ZWILCH: variants seen among roughly 807,000 people sequenced by gnomAD.
ZWILCH encodes the protein zwilch kinetochore protein, also known as protein zwilch homolog.
In ZWILCH, 74 loss-of-function variants were observed where a neutral mutation model predicts 79.9. The ratio of observed to expected loss-of-function variants is 0.93; its 90% CI spans 0.77 to 1.12. The LOEUF is 1.12. Among genes scored for constraint, ZWILCH ranks in the 50% most tolerant of loss-of-function variants. The probability of loss-of-function intolerance (pLI) is 0.00; values close to 1 mark genes in which losing one functional copy is unlikely to be tolerated. For synonymous variants in ZWILCH, 241 were observed against 228.2 expected, an observed-to-expected ratio of 1.06 and a Z score of -0.51; for missense variants, 694 against 687.5, an observed-to-expected ratio of 1.01 and a Z score of -0.11.
chr15:66,505,463 C>A, intron 1 of ZWILCH, 72 bp downstream of exon 1: 2 of 1,571,960 alleles, frequency 1.3e-6, no homozygotes, highest in Non-Finnish European at 1.7e-6. Context: ...GGATCCCCGC[C>A]CTAAGCCTCT....
Position 66,521,147 on chromosome 15 carries a change from C to T in ZWILCH, c.689C>T (p.Ser230Phe), listed in dbSNP as rs768109565. 6.2e-7 allele frequency: 1 copy of T among 1,613,858 alleles called. No homozygotes were observed. The highest frequency in any genetic ancestry group is 8.5e-7 in the Non-Finnish European group (1 of 1,180,048). The stretch of plus-strand genomic sequence containing the variant: ...CAAACTGCGATCGCTTTGGATATTT[C>T]CTGGAGTCCTGTGGATGAGATTCTT... Reference protein sequence around the residue: ...ASQTAIALDISWSPVDEILQI... With the variant: ...ASQTAIALDIFWSPVDEILQI... Residue 230 changes from serine (S) to phenylalanine (F), a missense_variant, in exon 7 of 19, where the codon TCC becomes TTC. Transcript: ENST00000307897.
At chr15:66,508,239 A>G (rs1281048120) in intron 1 of ZWILCH, among the ~76,000 whole-genome samples, 1 of 152,208 alleles carries the variant, frequency 6.6e-6, no homozygotes. Context: ...TAGATTCACT[A>G]TTTTAAAACT....
At chr15:66,545,974 A>G (rs1212034905) in intron 17 of ZWILCH, among the ~76,000 whole-genome samples, 2 of 152,208 alleles carry the variant, frequency 1.3e-5, no homozygotes, top group African/African-American at 4.8e-5. Flanking sequence ...TAAGAGAGAA[A>G]TGTGTACTTT....
At chr15:66,509,201 A>G (rs575733134) in intron 2 of ZWILCH, among the ~76,000 whole-genome samples, 47 of 152,142 alleles carry the variant, frequency 3.1e-4, no homozygotes, top group African/African-American at 1.1e-3. Flanking sequence ...CGGCCTCCCA[A>G]AGTGCTGGGA....
chr15:66,523,963 C>CT (rs1167644590), intron 8 of ZWILCH, among the ~76,000 whole-genome samples: 2 of 152,146 alleles, frequency 1.3e-5, no homozygotes, highest in Non-Finnish European at 2.9e-5. Context: ...AGATTTCTCT[C>CT]ACCCTTTGTG....
Position 66,527,315 on chromosome 15 carries a change from G to A in ZWILCH, c.845G>A (p.Gly282Asp), listed in dbSNP as rs1467678616. The A allele has an allele frequency of 7.4e-6, 12 of 1,613,964 alleles. No individual in the cohort carries two copies. Among genetic ancestry groups the A allele is most frequent in the Non-Finnish European group, 1.0e-5 (12 of 1,180,002 alleles). Residue 282 changes from glycine to aspartate, a missense_variant, in exon 9 of 19, where the codon GGT becomes GAT. Coordinates refer to ENST00000307897, the MANE Select transcript of ZWILCH (RefSeq NM_017975.5). ...LLVLADGLRT[G>D]VTEWLEPLEA... ...GTTTTGGCTGATGGTTTGAGGACTG[G>A]TGTCACTGAATGGCTCGAGCCCCTG...
At chr15:66,542,394 G>GCTA (rs542830847) in intron 17 of ZWILCH, among the ~76,000 whole-genome samples, 43 of 152,240 alleles carry the variant, frequency 2.8e-4, no homozygotes, top group African/African-American at 9.4e-4. Flanking sequence ...GACCATCCTG[G>GCTA]CTAACACAGT....
At chr15:66,542,517 G>A (rs866707351) in intron 17 of ZWILCH, among the ~76,000 whole-genome samples, 2 of 152,126 alleles carry the variant, frequency 1.3e-5, no homozygotes, top group Non-Finnish European at 2.9e-5. Flanking sequence ...CCTGGGAGGC[G>A]GAGGTTGCTG....
At chr15:66,513,119 T>G (rs1403070368) in intron 2 of ZWILCH, among the ~76,000 whole-genome samples, 5 of 152,076 alleles carry the variant, frequency 3.3e-5, no homozygotes, top group Admixed American at 6.6e-5. Context: ...TTAGTAGAGA[T>G]AGAGTTTCCC....
At chr15:66,536,241 A>T (rs1018633052) in intron 15 of ZWILCH, among the ~76,000 whole-genome samples, 172 bp downstream of exon 15, 1 of 152,224 alleles carries the variant, frequency 6.6e-6, no homozygotes, top group African/African-American at 2.4e-5. Flanking sequence ...CTTTGGATTC[A>T]AAAGGAATCA....
In ZWILCH at chr15:66,546,650, G is replaced by A. The variant is rs771886892; in HGVS notation, c.1747G>A (p.Val583Ile). Residue 583 changes from valine (V) to isoleucine (I), a missense_variant, in exon 18 of 19, where the codon GTT becomes ATT. Coordinates refer to ENST00000307897, the MANE Select transcript of ZWILCH (RefSeq NM_017975.5). ...LEERIFFTNM[V>I]TCSQVHFK ...AGAAAGGATATTCTTTACTAACATG[G>A]TTACCTGCAGCCAGGTGCATTTCAA... The A allele has an allele frequency of 1.9e-6, 3 of 1,608,256 alleles. No individual in the cohort carries two copies. Among genetic ancestry groups the A allele is most frequent in the Admixed American group, 3.4e-5 (2 of 58,758 alleles).
intron 17 of ZWILCH, among the ~76,000 whole-genome samples, chr15:66,540,989 A>G (rs1269892618): frequency 6.6e-6 from 1 of 151,742 alleles, no homozygotes; most frequent in Non-Finnish European, 1.5e-5. Context: ...TCTTTAAAAA[A>G]GAAAACTGCT....
At chr15:66,535,255 C>T (rs1442081571) in intron 14 of ZWILCH, among the ~76,000 whole-genome samples, 1 of 152,108 alleles carries the variant, frequency 6.6e-6, no homozygotes, top group African/African-American at 2.4e-5. Flanking sequence ...CTGCCTGAGG[C>T]TCTTTTTGAG....
chr15:66,549,001 G>A lies in ZWILCH; in HGVS notation c.*677G>A, dbSNP rs1217082723. On this transcript the variant is annotated 3_prime_UTR_variant, in exon 19 of 19. Coordinates refer to ENST00000307897, the MANE Select transcript of ZWILCH (RefSeq NM_017975.5). ...ATTTCCAATCTTTCAAAATATTATT[G>A]TGTATCTTAAGAAGTATAGGAACTT... 6.4e-6 allele frequency: 1 copy of A among 156,116 alleles called. No individual in the cohort carries two copies. Among genetic ancestry groups the A allele is most frequent in the African/African-American group, 2.4e-5 (1 of 41,512 alleles). 9.7% of individuals were successfully genotyped at this position (156,116 alleles called of 1,614,324 possible). A position where few individuals can be genotyped will look rare whatever the true frequency, so the allele number is the denominator to read the frequency against.
At chr15:66,519,465 T>C (rs1314775224) in intron 5 of ZWILCH, among the ~76,000 whole-genome samples, 3 of 152,224 alleles carry the variant, frequency 2.0e-5, no homozygotes, top group East Asian at 1.9e-4. Flanking sequence ...TATTTACTTA[T>C]TTATTTTGAG....
At chr15:66,506,148 A>G (rs2140726620) in intron 1 of ZWILCH, among the ~76,000 whole-genome samples, 1 of 152,294 alleles carries the variant, frequency 6.6e-6, no homozygotes, top group East Asian at 1.9e-4. Flanking sequence ...ACCGCTGTGT[A>G]ATCTAGCCCA....
In ZWILCH at chr15:66,508,599, G is replaced by A. The variant is rs1342587940; in HGVS notation, c.54-242G>A. On this transcript the variant is annotated intron_variant, in intron 1 of 18. Coordinates refer to ENST00000307897, the MANE Select transcript of ZWILCH (RefSeq NM_017975.5). ...CTCTGAGAATCAGTTGTACCCAATT[G>A]AGGGCAACAGTCTATTAATCTCTGT... 4 of 591,232 alleles carry A rather than the reference G, an allele frequency of 6.8e-6. No individual in the cohort carries two copies. The Admixed American group carries it at 1.7e-4, about 25-fold the overall frequency. The allele number at this position is 591,232 out of a possible 1,614,324, so 36.6% of individuals were successfully genotyped here. A position where few individuals can be genotyped will look rare whatever the true frequency, so the allele number is the denominator to read the frequency against.
chr15:66,515,844 T>C (rs1894231480), intron 4 of ZWILCH, among the ~76,000 whole-genome samples, 200 bp downstream of exon 4: 1 of 152,200 alleles, frequency 6.6e-6, no homozygotes, highest in African/African-American at 2.4e-5. Context: ...ACTGCACTTA[T>C]CTTCCCTTTC....
chr15:66,518,855 TTTGTCCTTACTC>T lies in ZWILCH; in HGVS notation c.321-19_321-8del. On this transcript the variant is annotated splice_polypyrimidine_tract_variant and intron_variant, in intron 4 of 18. Coordinates refer to ENST00000307897, the MANE Select transcript of ZWILCH (RefSeq NM_017975.5). ...TTGAATTGGAAATCTCTATCTATAA[TTTGTCCTTACTC>T]TTGTTTTAAAGGCAGTTAATTGGAC... 6.3e-7 allele frequency: 1 copy of T among 1,597,550 alleles called. No homozygotes were observed. Among genetic ancestry groups the T allele is most frequent in the Non-Finnish European group, 8.6e-7 (1 of 1,165,358 alleles).
Sources: gnomAD v4.1 joint callset for allele counts (sites outside exome capture counted in the v4.1 genomes callset) on GRCh38, gnomAD v4.1.1 for gene constraint, MANE v1.5 for transcripts, NCBI Gene and HGNC (gene_info 2026-07-23, HGNC 2026-07-21) for gene names.